The following TANC2 variants were observed in gnomAD, a reference collection of about 807,000 sequenced individuals.
The protein encoded by TANC2 is tetratricopeptide repeat, ankyrin repeat and coiled-coil containing 2, also known as protein TANC2.
A neutral mutation model predicts 210.5 loss-of-function variants in TANC2; 26 were observed. The ratio of observed to expected loss-of-function variants is 0.12; its 90% CI spans 0.09 to 0.17. The LOEUF (loss-of-function observed/expected upper bound fraction) is 0.17. TANC2 is among the 10% of genes least tolerant of loss of function. The pLI, the probability that TANC2 is intolerant of heterozygous loss-of-function variation, is 1.00. For synonymous variants in TANC2, 931 were observed against 967.1 expected, an observed-to-expected ratio of 0.96 and a Z score of 0.69; for missense variants, 2,129 against 2,608.9, an observed-to-expected ratio of 0.82 and a Z score of 4.01.
chr17:63,016,923 G>A (rs2034134535), intron 2 of TANC2, among the ~76,000 whole-genome samples: 1 of 152,128 alleles, frequency 6.6e-6, no homozygotes, highest in Non-Finnish European at 1.5e-5. Context: ...ACTTGGAGGA[G>A]TTATTTATAT....
intron 12 of TANC2, among the ~76,000 whole-genome samples, chr17:63,346,331 A>C (rs2046408833): frequency 6.6e-6 from 1 of 152,240 alleles, no homozygotes; most frequent in Non-Finnish European, 1.5e-5. Flanking sequence ...AGGAAAAGCA[A>C]GTCACCAAAG....
chr17:63,408,011 G>A (rs2048569584), intron 21 of TANC2, among the ~76,000 whole-genome samples: 1 of 152,182 alleles, frequency 6.6e-6, no homozygotes. Context: ...AAGGAATCTG[G>A]GGAGGCTTTA....
At chr17:63,060,274 A>G (rs192264133) in intron 2 of TANC2, among the ~76,000 whole-genome samples, 102 of 152,290 alleles carry the variant, frequency 6.7e-4, no homozygotes, top group Non-Finnish European at 1.2e-3. Context: ...GTTGTACTGT[A>G]CATGTATTGT....
intron 1 of TANC2, among the ~76,000 whole-genome samples, chr17:63,008,565 C>T (rs1451084576): frequency 6.6e-6 from 1 of 151,562 alleles, no homozygotes; most frequent in Non-Finnish European, 1.5e-5. Flanking sequence ...TCTTTTTGAA[C>T]AAGATAGACT....
At chr17:63,073,740 T>G (rs1187184211) in intron 2 of TANC2, among the ~76,000 whole-genome samples, 1 of 152,108 alleles carries the variant, frequency 6.6e-6, no homozygotes, top group East Asian at 1.9e-4. Context: ...TCTTAAGACT[T>G]CAAGAGGGGA....
At chr17:63,127,240 G>A (rs535903710) in intron 4 of TANC2, among the ~76,000 whole-genome samples, 3 of 151,982 alleles carry the variant, frequency 2.0e-5, no homozygotes, top group African/African-American at 4.8e-5. Flanking sequence ...AACCATTTTT[G>A]TAGATATATT....
rs559482206 is a variant in TANC2 at position 63,065,396 on chromosome 17, T to C, written c.68-8547T>C. On this transcript the variant is annotated intron_variant, in intron 2 of 27. Coordinates refer to ENST00000689528, the Ensembl canonical transcript of TANC2. ...AGAGAGTGCAGATATCTTTTTGACATACTGATTTAATTTCCTTCAGATATA... is the reference window on the plus strand; with the variant it reads ...AGAGAGTGCAGATATCTTTTTGACACACTGATTTAATTTCCTTCAGATATA... Among the ~76,000 whole-genome samples, 4 of 152,360 alleles carry C rather than the reference T, an allele frequency of 2.6e-5. No homozygotes were observed. In the East Asian group the frequency reaches 7.7e-4, roughly 29 times the overall value.
At chr17:63,129,761 T>G (rs2038849481) in intron 4 of TANC2, among the ~76,000 whole-genome samples, 1 of 152,072 alleles carries the variant, frequency 6.6e-6, no homozygotes, top group South Asian at 2.1e-4. Context: ...TATATTTTCT[T>G]TATAGTAATC....
Position 63,054,015 on chromosome 17 carries a change from A to T in TANC2, c.68-19928A>T, listed in dbSNP as rs562221328. ...CTGCTCTCTTCCCCTTCAGCAGTAG[A>T]GAGCCTTGAAAAAGAACACAGTTTT... On this transcript the variant is annotated intron_variant, in intron 2 of 27. Transcript: ENST00000689528. Among the ~76,000 whole-genome samples the T allele has an allele frequency of 2.6e-5, 4 of 152,320 alleles. No homozygotes were observed. The South Asian group carries it at 8.3e-4, about 32-fold the overall frequency.
chr17:63,399,159 T>G (rs1481832166), intron 19 of TANC2: 3 of 267,760 alleles, frequency 1.1e-5, no homozygotes, highest in Non-Finnish European at 2.1e-5. Context: ...CTCTCTTGTT[T>G]CCAAATATTT....
chr17:63,115,470 A>G (rs553802492), intron 4 of TANC2, among the ~76,000 whole-genome samples: 6 of 152,316 alleles, frequency 3.9e-5, no homozygotes, highest in African/African-American at 1.4e-4. Context: ...AATTACTTGT[A>G]CATTATTATA....
chr17:63,090,902 A>T (rs2037161748), intron 3 of TANC2, among the ~76,000 whole-genome samples: 3 of 152,184 alleles, frequency 2.0e-5, no homozygotes, highest in Admixed American at 2.0e-4. Context: ...TTGCCATTCT[A>T]ACTGGTGTGA....
At chr17:63,307,034 C>A (rs1305667645) in intron 9 of TANC2, among the ~76,000 whole-genome samples, 2 of 152,136 alleles carry the variant, frequency 1.3e-5, no homozygotes, top group African/African-American at 4.8e-5. Context: ...TACGCTGAAA[C>A]AAGAAACTGG....
chr17:63,332,127 GA>G, intron 11 of TANC2: 1 of 349,070 alleles, frequency 2.9e-6, no homozygotes, highest in Non-Finnish European at 5.6e-6. Flanking sequence ...TTTTTGAGCA[GA>G]AAAATCTTTG....
At chr17:63,057,581 C>G (rs1480143415) in intron 2 of TANC2, among the ~76,000 whole-genome samples, 1 of 152,048 alleles carries the variant, frequency 6.6e-6, no homozygotes. Context: ...TCTCTCTGCT[C>G]TCTCCCTTCA....
At chr17:63,023,145 G>A (rs1380688141) in intron 2 of TANC2, among the ~76,000 whole-genome samples, 1 of 152,230 alleles carries the variant, frequency 6.6e-6, no homozygotes, top group African/African-American at 2.4e-5. Flanking sequence ...TGGGGCTGCT[G>A]CTGCAGCCAC....
chr17:63,362,764 C>T (rs1334363797), intron 14 of TANC2, among the ~76,000 whole-genome samples: 1 of 152,200 alleles, frequency 6.6e-6, no homozygotes, highest in Non-Finnish European at 1.5e-5. Context: ...CCAAGTAGAG[C>T]TGGCACTTCT....
intron 18 of TANC2, among the ~76,000 whole-genome samples, chr17:63,397,507 C>T (rs572933695): frequency 9.8e-5 from 15 of 152,296 alleles, no homozygotes; most frequent in Admixed American, 6.5e-4. Flanking sequence ...AACTACTTCT[C>T]GTCCACATAC....
intron 1 of TANC2, among the ~76,000 whole-genome samples, chr17:62,969,831 AT>A (rs1598161653): frequency 6.6e-6 from 1 of 152,138 alleles, no homozygotes; most frequent in East Asian, 1.9e-4. Flanking sequence ...TCCTACTCAT[AT>A]TTTTATGACC....
Sources: allele counts gnomAD v4.1 joint callset (sites outside exome capture counted in the v4.1 genomes callset), GRCh38; gene constraint gnomAD v4.1.1; transcripts MANE v1.5; gene names NCBI Gene and HGNC (gene_info 2026-07-23, HGNC 2026-07-21).